Variants in NSD1 observed in about 807,000 individuals in gnomAD.
NSD1 encodes histone-lysine N-methyltransferase, H3 lysine-36 specific.
NSD1 carries 26 observed loss-of-function variants against 242.7 expected under a neutral mutation model. That is an observed-to-expected ratio of 0.11 (90% CI 0.08 to 0.15). NSD1 has a LOEUF of 0.15. Among genes scored for constraint, NSD1 ranks in the 10% least tolerant of loss-of-function variants. NSD1 has a pLI of 1.00. For synonymous variants in NSD1, 1,106 were observed against 1,178.1 expected (o/e 0.94, Z 1.25); for missense variants, 2,495 against 3,272.8 (o/e 0.76, Z 5.80).
chr5:177,159,009 TATATATATATATATATGAATG>T lies in NSD1; in HGVS notation c.927+22996_927+23016del, dbSNP rs1188125167. 8.7e-4 allele frequency among the ~76,000 whole-genome samples: 85 copies of T among 97,794 alleles called. 1 individual carries two copies. The highest frequency in any genetic ancestry group is 4.4e-3 in the Middle Eastern group (1 of 228). 64.2% of individuals were successfully genotyped at this position (97,794 alleles called of 152,430 possible). A position where few individuals can be genotyped will look rare whatever the true frequency, so the allele number is the denominator to read the frequency against. Reference sequence around the variant, plus strand: ...ATATATGAATGATTTTATATATATATATATATATATATATATGAATGATATATATATATATATATGAATGAA... The same window carrying T: ...ATATATGAATGATTTTATATATATATATATATATATATATATATGAATGAA... On this transcript the variant is annotated intron_variant, in intron 2 of 22. Coordinates refer to ENST00000439151, the MANE Select transcript of NSD1 (RefSeq NM_022455.5).
Position 177,251,856 on chromosome 5 carries a change from A to C in NSD1, c.4765+3A>C, listed in dbSNP as rs1388833389. ...TATCTGCAATGAATGTCGCACAGGTAAAGTAGATATCGAACGGTCTTCCTC... is the reference window on the plus strand; with the variant it reads ...TATCTGCAATGAATGTCGCACAGGTCAAGTAGATATCGAACGGTCTTCCTC... On this transcript the variant is annotated splice_donor_region_variant and intron_variant, in intron 12 of 22. Transcript: ENST00000439151. The C allele has an allele frequency of 1.9e-6, 3 of 1,614,192 alleles. No homozygotes were observed. The highest frequency in any genetic ancestry group is 2.5e-6 in the Non-Finnish European group (3 of 1,180,014).
intron 4 of NSD1, among the ~76,000 whole-genome samples, chr5:177,208,895 G>C (rs559063032): frequency 2.0e-4 from 31 of 151,912 alleles, no homozygotes; most frequent in African/African-American, 7.2e-4. Flanking sequence ...GGGGTTTGGC[G>C]ATGTTGGCCA....
chr5:177,174,529 A>G (rs1451444166), intron 2 of NSD1, among the ~76,000 whole-genome samples: 1 of 149,694 alleles, frequency 6.7e-6, no homozygotes, highest in Non-Finnish European at 1.5e-5. Context: ...GTTATTATAT[A>G]ATCAATGCAC....
chr5:177,212,852 G>A (rs1763468241), intron 5 of NSD1, among the ~76,000 whole-genome samples: 1 of 152,054 alleles, frequency 6.6e-6, no homozygotes, highest in African/African-American at 2.4e-5. Context: ...ACGTTGGCCA[G>A]GCTGGTCTTG....
chr5:177,190,715 G>A lies in NSD1; in HGVS notation c.928-1169G>A, dbSNP rs1156266653. 2.0e-5 allele frequency among the ~76,000 whole-genome samples: 3 copies of A among 151,472 alleles called. No individual in the cohort carries two copies. The East Asian group carries it at 5.8e-4, about 29-fold the overall frequency. ...GACGGAGTCTTGCTCTGTCTCCCAG[G>A]CTGGAGTGCAGTGGCGCCATCTCGG... is the stretch of plus-strand genomic sequence containing the variant. On this transcript the variant is annotated intron_variant, in intron 2 of 22. Transcript: ENST00000439151.
At chr5:177,226,800 A>G (rs1764667040) in intron 5 of NSD1, among the ~76,000 whole-genome samples, 1 of 152,118 alleles carries the variant, frequency 6.6e-6, no homozygotes, top group Non-Finnish European at 1.5e-5. Flanking sequence ...TCCCACTCAC[A>G]ATCTAGTAAT....
chr5:177,170,771 G>C (rs1269764405), intron 2 of NSD1, among the ~76,000 whole-genome samples: 3 of 152,046 alleles, frequency 2.0e-5, no homozygotes, highest in Non-Finnish European at 4.4e-5. Flanking sequence ...CTATACCAAA[G>C]TTTTTCAATA....
chr5:177,136,692 C>T (rs942308294), intron 2 of NSD1, among the ~76,000 whole-genome samples: 1 of 151,374 alleles, frequency 6.6e-6, no homozygotes, highest in Non-Finnish European at 1.5e-5. Context: ...CTCTTGGGTT[C>T]AAGCAATTCT....
chr5:177,286,305 G>A (rs558915807), intron 20 of NSD1, among the ~76,000 whole-genome samples: 3 of 152,172 alleles, frequency 2.0e-5, no homozygotes, highest in South Asian at 2.1e-4. Context: ...AGTTACTTTC[G>A]GGTTTTGCGT....
intron 3 of NSD1, among the ~76,000 whole-genome samples, chr5:177,199,662 C>T (rs555993435): frequency 1.3e-5 from 2 of 149,116 alleles, no homozygotes; most frequent in East Asian, 1.9e-4. Context: ...TGCAGTGGCA[C>T]GATCTCAGCT....
At chr5:177,263,908 T>C (rs1757192351) in intron 14 of NSD1, among the ~76,000 whole-genome samples, 2 of 152,164 alleles carry the variant, frequency 1.3e-5, no homozygotes, top group South Asian at 4.1e-4. Flanking sequence ...TATTGTCTGC[T>C]ACCTTCAGTT....
At chr5:177,201,959 C>T (rs1029775918) in intron 3 of NSD1, among the ~76,000 whole-genome samples, 2 of 151,638 alleles carry the variant, frequency 1.3e-5, no homozygotes, top group African/African-American at 4.8e-5. Context: ...CTGAGGTCGG[C>T]AGTTTGAGAT....
intron 2 of NSD1, among the ~76,000 whole-genome samples, chr5:177,188,027 C>T (rs1044904007): frequency 6.6e-6 from 1 of 152,166 alleles, no homozygotes; most frequent in Non-Finnish European, 1.5e-5. Context: ...TCCTGCCAGT[C>T]TAAGCCTGGA....
At chr5:177,170,779 A>G (rs1759637196) in intron 2 of NSD1, among the ~76,000 whole-genome samples, 1 of 152,140 alleles carries the variant, frequency 6.6e-6, no homozygotes, top group African/African-American at 2.4e-5. Context: ...AAGTTTTTCA[A>G]TATCCCCAAC....
At chr5:177,170,695 A>G (rs1475638261) in intron 2 of NSD1, among the ~76,000 whole-genome samples, 1 of 152,074 alleles carries the variant, frequency 6.6e-6, no homozygotes, top group Non-Finnish European at 1.5e-5. Context: ...GTGACTTCCT[A>G]TTCATCCATT....
At chr5:177,273,980 C>T (rs190103398) in intron 17 of NSD1, among the ~76,000 whole-genome samples, 196 bp downstream of exon 17, 19 of 152,114 alleles carry the variant, frequency 1.2e-4, no homozygotes, top group African/African-American at 4.3e-4. Flanking sequence ...CCGAGGCGGG[C>T]GGATCACCTG....
chr5:177,278,856 C>T (rs1758610362), intron 17 of NSD1, among the ~76,000 whole-genome samples: 1 of 152,186 alleles, frequency 6.6e-6, no homozygotes, highest in African/African-American at 2.4e-5. Flanking sequence ...CATTCTCATG[C>T]ACAAATCCAT....
intron 5 of NSD1, among the ~76,000 whole-genome samples, chr5:177,221,657 G>C (rs1317887560): frequency 1.3e-5 from 2 of 151,626 alleles, no homozygotes; most frequent in Non-Finnish European, 2.9e-5. Context: ...TTTTAGTAGA[G>C]ATGGGGTTTC....
chr5:177,274,835 G>C (rs1009190523), intron 17 of NSD1, among the ~76,000 whole-genome samples: 1 of 152,008 alleles, frequency 6.6e-6, no homozygotes, highest in African/African-American at 2.4e-5. Context: ...CCAGGTTCAA[G>C]CAAGTCTTCT....
Sources: gnomAD v4.1 joint callset for allele counts (sites outside exome capture counted in the v4.1 genomes callset) on GRCh38, gnomAD v4.1.1 for gene constraint, MANE v1.5 for transcripts, NCBI Gene and HGNC (gene_info 2026-07-23, HGNC 2026-07-21) for gene names.